The following NR3C2 variants were observed in gnomAD, a reference collection of about 807,000 sequenced individuals.
NR3C2 encodes mineralocorticoid receptor.
A neutral mutation model predicts 86.4 loss-of-function variants in NR3C2; 15 were observed. The observed-to-expected ratio is 0.17, with a 90% CI of 0.12 to 0.27. The LOEUF (loss-of-function observed/expected upper bound fraction) is 0.27. Among genes scored for constraint, NR3C2 ranks in the 10% least tolerant of loss-of-function variants. NR3C2 has a pLI of 1.00. For synonymous variants in NR3C2, 458 were observed against 450.5 expected, an observed-to-expected ratio of 1.02 and a Z score of -0.21; for missense variants, 960 against 1,195.6, an observed-to-expected ratio of 0.80 and a Z score of 2.91.
In NR3C2 at chr4:148,127,199, A is replaced by G. The variant is rs535853525; in HGVS notation, c.2511-6911T>C. Among the ~76,000 whole-genome samples the G allele has an allele frequency of 8.5e-5, 13 of 152,344 alleles. No individual in the cohort carries two copies. The South Asian group carries it at 2.7e-3, about 32-fold the overall frequency. On this transcript the variant is annotated intron_variant, in intron 6 of 8. Transcript: ENST00000358102. ...ATAGGTCATCTTGAAAATGCATTTT[A>G]TATCACATCATTTTTGCACAATTTT...
In NR3C2 at chr4:148,363,552, G is replaced by A. The variant is rs189906260; in HGVS notation, c.1757+71552C>T. 6.3e-3 allele frequency among the ~76,000 whole-genome samples: 677 copies of A among 108,144 alleles called. 4 individuals are homozygous for A. The highest frequency in any genetic ancestry group is 0.021 in the African/African-American group (627 of 29,730). The allele number at this position is 108,144 out of a possible 152,430, so 70.9% of individuals were successfully genotyped here. A position where few individuals can be genotyped will look rare whatever the true frequency, so the allele number is the denominator to read the frequency against. On this transcript the variant is annotated intron_variant, in intron 2 of 8. Coordinates refer to ENST00000358102, the MANE Select transcript of NR3C2 (RefSeq NM_000901.5). ...GGAGTGTCGCTCTTTGGCCCAGGCC[G>A]GATTGCAGTGGCGCTATCTCAGCTC... is the stretch of plus-strand genomic sequence containing the variant.
rs969492473 is a variant in NR3C2 at position 148,201,198 on chromosome 4, T to G, written c.1898-6336A>C. 8.5e-5 allele frequency: 13 copies of G among 152,210 alleles called. 1 individual carries two copies. The highest frequency in any genetic ancestry group is 7.3e-5 in the Non-Finnish European group (5 of 68,040). 9.4% of individuals were successfully genotyped at this position (152,210 alleles called of 1,614,324 possible). A position where few individuals can be genotyped will look rare whatever the true frequency, so the allele number is the denominator to read the frequency against. On this transcript the variant is annotated intron_variant, in intron 3 of 8. Transcript: ENST00000358102. ...TTATGACATCATCTGTTTAAAGGCCTTCTAGGGCCCTTCACTGCTTAAACT... is the reference window on the plus strand; with the variant it reads ...TTATGACATCATCTGTTTAAAGGCCGTCTAGGGCCCTTCACTGCTTAAACT...
At position 148,260,069 on chromosome 4, in the gene NR3C2, T is replaced by A. The variant is rs770827413; in HGVS notation, c.1806A>T (p.Ile602=). The change falls in exon 3 of 9, where the codon ATA becomes ATT. Residue 602 remains isoleucine, a synonymous_variant. Transcript: ENST00000358102. ...VSTGSSRPSK[I]CLVCGDEASG... ...AAGCCTCATCCCCACACACCAAACA[T>A]ATTTTTGAAGGTCTTGAAGATCCAG... 2 of 1,613,934 alleles carry A rather than the reference T, an allele frequency of 1.2e-6. No homozygotes were observed. Among genetic ancestry groups the A allele is most frequent in the South Asian group, 2.2e-5 (2 of 91,078 alleles).
At chr4:148,353,501 T>C (rs1196130720) in intron 2 of NR3C2, among the ~76,000 whole-genome samples, 2 of 152,060 alleles carry the variant, frequency 1.3e-5, no homozygotes, top group Non-Finnish European at 2.9e-5. Flanking sequence ...AAAATGTTCA[T>C]GAGATACCGC....
At chr4:148,179,213 C>G (rs539380998) in intron 4 of NR3C2, among the ~76,000 whole-genome samples, 1 of 151,278 alleles carries the variant, frequency 6.6e-6, no homozygotes, top group African/African-American at 2.4e-5. Flanking sequence ...GGGGTCCTGG[C>G]CCAAAGAGAA....
At chr4:148,403,153 G>A (rs1030170547) in intron 2 of NR3C2, among the ~76,000 whole-genome samples, 2 of 151,884 alleles carry the variant, frequency 1.3e-5, no homozygotes, top group Admixed American at 6.6e-5. Context: ...TTTAAAAAAT[G>A]AAATTACAAA....
chr4:148,338,778 C>T (rs878919162), intron 2 of NR3C2, among the ~76,000 whole-genome samples: 2 of 152,024 alleles, frequency 1.3e-5, no homozygotes, highest in Admixed American at 1.3e-4. Context: ...TTCCATCCTC[C>T]CAATAACAGA....
intron 2 of NR3C2, among the ~76,000 whole-genome samples, chr4:148,420,866 G>A (rs1300173904): frequency 1.3e-5 from 2 of 152,122 alleles, no homozygotes; most frequent in Non-Finnish European, 2.9e-5. Flanking sequence ...TAAAATGCCT[G>A]GCTCCCCTTT....
At chr4:148,381,826 T>C (rs1214316812) in intron 2 of NR3C2, among the ~76,000 whole-genome samples, 7 of 152,186 alleles carry the variant, frequency 4.6e-5, no homozygotes, top group Non-Finnish European at 7.3e-5. Context: ...TGTTAACGCT[T>C]GTGTGTATTT....
chr4:148,324,688 A>G (rs1184967611), intron 2 of NR3C2, among the ~76,000 whole-genome samples: 1 of 152,234 alleles, frequency 6.6e-6, no homozygotes, highest in Non-Finnish European at 1.5e-5. Flanking sequence ...TCACCACCAA[A>G]AAAACCCCAA....
chr4:148,094,664 G>A (rs1283804193), intron 8 of NR3C2, among the ~76,000 whole-genome samples: 6 of 150,608 alleles, frequency 4.0e-5, no homozygotes, highest in African/African-American at 7.3e-5. Flanking sequence ...GCAGTGAGCC[G>A]AGATTGCGCC....
intron 2 of NR3C2, among the ~76,000 whole-genome samples, chr4:148,409,547 T>C (rs950880438): frequency 5.3e-5 from 8 of 152,158 alleles, no homozygotes; most frequent in Admixed American, 5.2e-4. Flanking sequence ...GGACCTTTCC[T>C]TAGGTGACAG....
intron 2 of NR3C2, among the ~76,000 whole-genome samples, chr4:148,300,478 A>G (rs1742280780): frequency 6.6e-6 from 1 of 151,802 alleles, no homozygotes; most frequent in Non-Finnish European, 1.5e-5. Flanking sequence ...TCCAAGTTAT[A>G]GGTATATTTA....
intron 3 of NR3C2, among the ~76,000 whole-genome samples, chr4:148,206,718 C>T (rs552527149): frequency 2.6e-5 from 4 of 152,194 alleles, no homozygotes; most frequent in African/African-American, 7.2e-5. Context: ...TATTGAGCTG[C>T]AAGCCTTTGT....
chr4:148,316,253 T>C (rs951029247), intron 2 of NR3C2, among the ~76,000 whole-genome samples: 1 of 152,168 alleles, frequency 6.6e-6, no homozygotes, highest in Non-Finnish European at 1.5e-5. Context: ...ACATATAATA[T>C]AGTGGTCATC....
chr4:148,152,699 G>T, intron 5 of NR3C2, 86 bp from the exon 6 acceptor site: 1 of 1,317,964 alleles, frequency 7.6e-7, no homozygotes, highest in Non-Finnish European at 1.1e-6. Context: ...ACCCCAAACA[G>T]CCACCTTTCT....
intron 2 of NR3C2, among the ~76,000 whole-genome samples, chr4:148,300,821 C>G (rs1317152964): frequency 6.6e-6 from 1 of 152,162 alleles, no homozygotes; most frequent in East Asian, 1.9e-4. Context: ...ATCCACCCAC[C>G]TTGGCCTCCC....
chr4:148,402,594 T>C (rs1284211338), intron 2 of NR3C2, among the ~76,000 whole-genome samples: 1 of 152,222 alleles, frequency 6.6e-6, no homozygotes, highest in Non-Finnish European at 1.5e-5. Flanking sequence ...GAACATGTCT[T>C]CGATATTTAT....
intron 2 of NR3C2, among the ~76,000 whole-genome samples, chr4:148,383,180 A>G (rs1229962813): frequency 6.6e-6 from 1 of 152,224 alleles, no homozygotes; most frequent in Non-Finnish European, 1.5e-5. Flanking sequence ...GTTTCATTAT[A>G]CTACATAAAA....
Sources: allele counts gnomAD v4.1 joint callset (sites outside exome capture counted in the v4.1 genomes callset), GRCh38; gene constraint gnomAD v4.1.1; transcripts MANE v1.5; gene names NCBI Gene and HGNC (gene_info 2026-07-23, HGNC 2026-07-21).